The following EMC3 variants were observed in gnomAD, a reference collection of about 807,000 sequenced individuals.
EMC3 encodes the protein ER membrane protein complex subunit 3.
A neutral mutation model predicts 36.6 loss-of-function variants in EMC3; 13 were observed. The ratio of observed to expected loss-of-function variants is 0.35; its 90% CI spans 0.23 to 0.56. EMC3 has a LOEUF of 0.56. Among genes scored for constraint, EMC3 ranks in the 20% least tolerant of loss-of-function variants. EMC3 has a pLI of 0.84. For missense variants in EMC3, 220 were observed against 324.5 expected (o/e 0.68, Z 2.47); for synonymous variants, 120 against 111.9 (o/e 1.07, Z -0.46).
intron 1 of EMC3, among the ~76,000 whole-genome samples, chr3:9,995,135 A>G (rs1418556144): frequency 6.6e-6 from 1 of 152,188 alleles, no homozygotes; most frequent in African/African-American, 2.4e-5. Flanking sequence ...GAGTGACGGT[A>G]TAAAGGGAGA....
intron 7 of EMC3, 85 bp from the exon 8 acceptor site, chr3:9,964,282 G>C: frequency 6.4e-7 from 1 of 1,551,896 alleles, no homozygotes; most frequent in Non-Finnish European, 8.7e-7. Flanking sequence ...ACTTACTCTG[G>C]GCCAAAAGCT....
chr3:9,979,741 A>C (rs2124912551), intron 1 of EMC3, among the ~76,000 whole-genome samples: 1 of 152,322 alleles, frequency 6.6e-6, no homozygotes, highest in African/African-American at 2.4e-5. Flanking sequence ...AGAGTGCATA[A>C]CCAGGAGGTG....
chr3:9,976,318 C>T (rs993947413), intron 3 of EMC3, among the ~76,000 whole-genome samples: 2 of 152,096 alleles, frequency 1.3e-5, no homozygotes, highest in Non-Finnish European at 2.9e-5. Context: ...GTAAACCAGG[C>T]TGGTTTGAAC....
At chr3:9,990,928 A>G (rs1208888511), upstream of EMC3, among the ~76,000 whole-genome samples, 1 of 152,022 alleles carries the variant, frequency 6.6e-6, no homozygotes, top group East Asian at 1.9e-4. Context: ...TCCCGGGTTC[A>G]CGCCATTCTC....
chr3:10,000,998 C>T (rs2086192027), intron 1 of EMC3: 1 of 257,736 alleles, frequency 3.9e-6, no homozygotes, highest in South Asian at 4.1e-5. Flanking sequence ...CACTCCAAAG[C>T]CGGACAACCC....
intron 1 of EMC3, among the ~76,000 whole-genome samples, chr3:9,982,599 T>C: frequency 6.6e-6 from 1 of 152,076 alleles, no homozygotes; most frequent in Non-Finnish European, 1.5e-5. Flanking sequence ...TTTATATCGC[T>C]GGGTATGCCT....
chr3:9,981,454 A>C (rs1337427003), intron 1 of EMC3, among the ~76,000 whole-genome samples: 4 of 152,198 alleles, frequency 2.6e-5, no homozygotes. Flanking sequence ...TCTTAAGCTG[A>C]GATCCATAGC....
At chr3:9,989,379 C>T (rs1440703697), upstream of EMC3, among the ~76,000 whole-genome samples, 8 of 152,084 alleles carry the variant, frequency 5.3e-5, no homozygotes, top group Non-Finnish European at 7.4e-5. Context: ...AGCGAAACCC[C>T]GTCTCTACTA....
intron 1 of EMC3, among the ~76,000 whole-genome samples, chr3:9,999,657 C>A (rs1281184475): frequency 1.3e-5 from 2 of 152,182 alleles, no homozygotes; most frequent in Non-Finnish European, 2.9e-5. Context: ...GGCAAAAGCA[C>A]CATTCCCAAT....
intron 1 of EMC3, among the ~76,000 whole-genome samples, chr3:9,983,788 G>A (rs892135298): frequency 6.6e-6 from 1 of 152,206 alleles, no homozygotes; most frequent in Non-Finnish European, 1.5e-5. Context: ...AGTGAACCAT[G>A]GGCAGAAAAT....
chr3:9,972,621 A>AT (rs1226133381), intron 5 of EMC3, among the ~76,000 whole-genome samples: 1 of 151,714 alleles, frequency 6.6e-6, no homozygotes, highest in Non-Finnish European at 1.5e-5. Flanking sequence ...AAATAAAAAA[A>AT]TTACCCGGAT....
upstream of EMC3, chr3:9,986,972 T>C (rs1284906950): frequency 2.7e-6 from 3 of 1,117,888 alleles, no homozygotes; most frequent in Non-Finnish European, 3.3e-6. Context: ...TCCCAGCACT[T>C]TGGGAGGCCA....
At chr3:9,998,336 A>C (rs1369012445) in intron 1 of EMC3, among the ~76,000 whole-genome samples, 1 of 150,336 alleles carries the variant, frequency 6.7e-6, no homozygotes, top group African/African-American at 2.4e-5. Flanking sequence ...ACTGCACTCC[A>C]GCCGGGGCAA....
intron 1 of EMC3, chr3:10,008,469 T>C (rs748458298): frequency 1.9e-4 from 258 of 1,367,510 alleles, no homozygotes; most frequent in Non-Finnish European, 2.4e-4. Flanking sequence ...GCAGCCTCCA[T>C]ATGGCAGACA....
Position 9,973,698 on chromosome 3 carries a change from A to T in EMC3, c.424T>A (p.Phe142Ile). The change falls in exon 5 of 8, where the codon TTT becomes ATT. Residue 142 changes from phenylalanine to isoleucine, a missense_variant. Physicochemically the swap from Phe to Ile is conservative, Grantham distance 21. Coordinates refer to ENST00000245046, the MANE Select transcript of EMC3 (RefSeq NM_001394674.1). ...GGCTTAAAACGGAGGGTCAGTGGAA[A>T]TGGGACCTTGGCTGCAGAGAAGAAA... Reference protein sequence around the residue: ...FSGFVTTKVPFPLTLRFKPML... With the variant: ...FSGFVTTKVPIPLTLRFKPML... The T allele has an allele frequency of 6.2e-7, 1 of 1,614,162 alleles. No individual in the cohort carries two copies. The highest frequency in any genetic ancestry group is 8.5e-7 in the Non-Finnish European group (1 of 1,179,984).
intron 3 of EMC3, among the ~76,000 whole-genome samples, chr3:9,975,831 A>C (rs74800536): frequency 2.6e-5 from 4 of 151,746 alleles, no homozygotes; most frequent in Non-Finnish European, 4.4e-5. Context: ...AAAAAAAAAA[A>C]AAAAAGATAT....
chr3:9,970,150 C>T (rs1163388951), intron 6 of EMC3, among the ~76,000 whole-genome samples: 1 of 152,198 alleles, frequency 6.6e-6, no homozygotes, highest in African/African-American at 2.4e-5. Context: ...CTAATAAAGT[C>T]CTTATTTACA....
In EMC3 at chr3:9,993,270, G is replaced by A. The variant is rs545224084; in HGVS notation, c.-241-6368C>T. Among the ~76,000 whole-genome samples, 5 of 152,268 alleles carry A rather than the reference G, an allele frequency of 3.3e-5. No individual in the cohort carries two copies. In the East Asian group the frequency reaches 9.6e-4, roughly 29 times the overall value. On this transcript the variant is annotated intron_variant, in intron 1 of 8. Transcript: ENST00000470827. ...TAGAAACTAGTAGAAACGTAAATAT[G>A]GACCTATTTGAACTATCACTCTTTG...
At chr3:10,002,289 T>G (rs138581647) in intron 1 of EMC3, among the ~76,000 whole-genome samples, 28 of 150,400 alleles carry the variant, frequency 1.9e-4, no homozygotes, top group African/African-American at 5.9e-4. Context: ...TTTATTTTAT[T>G]TTATTTTATT....
Sources: allele counts gnomAD v4.1 joint callset (sites outside exome capture counted in the v4.1 genomes callset), GRCh38; gene constraint gnomAD v4.1.1; transcripts MANE v1.5; gene names NCBI Gene and HGNC (gene_info 2026-07-23, HGNC 2026-07-21).